The following SAMD8 variants were observed in gnomAD, a reference collection of about 807,000 sequenced individuals.
SAMD8 encodes the protein sterile alpha motif domain containing 8.
In SAMD8, 20 loss-of-function variants were observed where a neutral mutation model predicts 42.0. The observed-to-expected ratio is 0.48, with a 90% CI of 0.34 to 0.69. The LOEUF (loss-of-function observed/expected upper bound fraction) is 0.69. Among genes scored for constraint, SAMD8 ranks in the 30% least tolerant of loss-of-function variants. SAMD8 has a pLI of 0.01. For synonymous variants in SAMD8, 162 were observed against 173.0 expected (o/e 0.94, Z 0.50); for missense variants, 328 against 511.6 (o/e 0.64, Z 3.46).
chr10:75,111,801 A>G, intron 1 of SAMD8, 79 bp downstream of exon 1: 1 of 1,229,284 alleles, frequency 8.1e-7, no homozygotes, highest in Non-Finnish European at 1.0e-6. Flanking sequence ...TCTGGGATGG[A>G]GCCGGGGGCT....
At chr10:75,146,528 C>A (rs374659705) in intron 1 of SAMD8, among the ~76,000 whole-genome samples, 1 of 151,974 alleles carries the variant, frequency 6.6e-6, no homozygotes, top group Non-Finnish European at 1.5e-5. Context: ...TCAGGTGATC[C>A]GCCCACCTCA....
At chr10:75,143,897 C>T (rs543413880) in intron 1 of SAMD8, among the ~76,000 whole-genome samples, 1 of 151,674 alleles carries the variant, frequency 6.6e-6, no homozygotes. Context: ...TTCCACCTCT[C>T]ACTGATGTTC....
At chr10:75,114,943 A>T (rs1242424599) in intron 1 of SAMD8, among the ~76,000 whole-genome samples, 1 of 152,166 alleles carries the variant, frequency 6.6e-6, no homozygotes, top group Admixed American at 6.6e-5. Flanking sequence ...ATTACCTATG[A>T]AGCTCTTTTG....
At chr10:75,173,787 A>G (rs962947801) in intron 4 of SAMD8, among the ~76,000 whole-genome samples, 1 of 152,170 alleles carries the variant, frequency 6.6e-6, no homozygotes, top group Non-Finnish European at 1.5e-5. Context: ...TGAGATTGTG[A>G]TATCTATGAG....
chr10:75,151,099 T>G lies in SAMD8; in HGVS notation c.571T>G (p.Leu191Val). 1.3e-6 allele frequency: 2 copies of G among 1,485,950 alleles called. No homozygotes were observed. The highest frequency in any genetic ancestry group is 1.8e-6 in the Non-Finnish European group (2 of 1,117,340). 92.0% of individuals were successfully genotyped at this position (1,485,950 alleles called of 1,614,324 possible). ...CTATCCACCACTCCCAGATATATTC[T>G]TAGACAGGTAAGTTTTGTTTCTAGT... ...QTYPPLPDIFLDSVPRIPWAF... is the reference protein window; with the variant it reads ...QTYPPLPDIFVDSVPRIPWAF... Residue 191 changes from leucine to valine, a missense_variant, in exon 2 of 6, where the codon TTA becomes GTA. By Grantham distance (32) the Leu-to-Val change is conservative. This residue lies in a region of SAMD8 where 178 missense variants were observed against 325.6 expected (regional missense o/e 0.55). Transcript: ENST00000542569.
chr10:75,146,656 T>C (rs529565469), intron 1 of SAMD8, among the ~76,000 whole-genome samples: 1 of 152,186 alleles, frequency 6.6e-6, no homozygotes, highest in Non-Finnish European at 1.5e-5. Flanking sequence ...ATCTGGTTCT[T>C]GTTAGTAAAT....
At chr10:75,164,524 G>T in intron 2 of SAMD8, 121 bp from the exon 3 acceptor site, 1 of 1,424,152 alleles carries the variant, frequency 7.0e-7, no homozygotes, top group Non-Finnish European at 9.2e-7. Context: ...ATCATTTTCT[G>T]TAAGAGATAA....
At chr10:75,142,736 A>G (rs989631336) in intron 1 of SAMD8, among the ~76,000 whole-genome samples, 3 of 151,832 alleles carry the variant, frequency 2.0e-5, no homozygotes, top group Admixed American at 6.6e-5. Context: ...CCCGGCCTAA[A>G]TTATCTTTTA....
intron 1 of SAMD8, among the ~76,000 whole-genome samples, chr10:75,112,389 C>T (rs1358266940): frequency 6.6e-6 from 1 of 152,198 alleles, no homozygotes; most frequent in Non-Finnish European, 1.5e-5. Context: ...TGGGCTTTGG[C>T]ATTTTTACAG....
chr10:75,119,658 C>T (rs1848960913), intron 1 of SAMD8, among the ~76,000 whole-genome samples: 2 of 152,158 alleles, frequency 1.3e-5, no homozygotes, highest in African/African-American at 4.8e-5. Context: ...AGTGAAACTA[C>T]AAGAAAAATC....
chr10:75,139,967 C>G lies in SAMD8; in HGVS notation c.-15-10547C>G, dbSNP rs566959784. Among the ~76,000 whole-genome samples the G allele has an allele frequency of 2.6e-5, 4 of 152,182 alleles. No homozygotes were observed. In the East Asian group the frequency reaches 7.7e-4, roughly 29 times the overall value. ...GTCTATGATCCATTTTCAGTTAATT[C>G]TTATATGTGGTAGAAGTATGAATTG... On this transcript the variant is annotated intron_variant, in intron 1 of 5. Coordinates refer to ENST00000542569, the MANE Select transcript of SAMD8 (RefSeq NM_001174156.2).
intron 3 of SAMD8, 129 bp downstream of exon 3, chr10:75,164,869 C>G (rs1840638827): frequency 2.9e-6 from 2 of 695,596 alleles, no homozygotes; most frequent in African/African-American, 1.8e-5. Context: ...TAGTTATTAA[C>G]AAAGGATTTT....
chr10:75,166,005 T>G (rs1242508563), intron 3 of SAMD8, among the ~76,000 whole-genome samples: 1 of 149,494 alleles, frequency 6.7e-6, no homozygotes, highest in African/African-American at 2.5e-5. Flanking sequence ...AAAAGAAAGA[T>G]TATTTTGTAC....
At chr10:75,114,188 A>G (rs1399505522) in intron 1 of SAMD8, among the ~76,000 whole-genome samples, 6 of 152,008 alleles carry the variant, frequency 3.9e-5, no homozygotes, top group Non-Finnish European at 7.4e-5. Context: ...CTATAAAAAG[A>G]ATTAATCAGG....
At chr10:75,172,642 C>T (rs955922635) in intron 4 of SAMD8, among the ~76,000 whole-genome samples, 1 of 152,022 alleles carries the variant, frequency 6.6e-6, no homozygotes, top group African/African-American at 2.4e-5. Context: ...GGATCACAGG[C>T]GCCTGCCACC....
chr10:75,175,911 A>G lies in SAMD8; in HGVS notation c.793-155A>G, dbSNP rs1840980945. ...CCAAGCTTTGCCCACCCATTCTTGA[A>G]GTCTGGCTGGAATTCATTAGACTGA... is the stretch of plus-strand genomic sequence containing the variant. On this transcript the variant is annotated intron_variant, in intron 4 of 5. Coordinates refer to ENST00000542569, the MANE Select transcript of SAMD8 (RefSeq NM_001174156.2). 1.2e-5 allele frequency: 12 copies of G among 985,226 alleles called. No individual in the cohort carries two copies. In the South Asian group the frequency reaches 5.6e-4, roughly 46 times the overall value. The allele number at this position is 985,226 out of a possible 1,614,324, so 61.0% of individuals were successfully genotyped here.
At chr10:75,099,805 G>A (rs1172838119) in intron 1 of SAMD8, 3 of 183,154 alleles carry the variant, frequency 1.6e-5, no homozygotes, top group East Asian at 2.9e-4. Context: ...CTGTGGCCAC[G>A]AGCAAGTCTT....
At chr10:75,158,578 C>T (rs957035702) in intron 2 of SAMD8, among the ~76,000 whole-genome samples, 1 of 151,708 alleles carries the variant, frequency 6.6e-6, no homozygotes. Context: ...GGTGACAGAG[C>T]GAGACTCTCT....
intron 1 of SAMD8, among the ~76,000 whole-genome samples, chr10:75,131,466 T>C (rs1392438782): frequency 1.3e-5 from 2 of 152,106 alleles, no homozygotes; most frequent in Non-Finnish European, 2.9e-5. Flanking sequence ...TGAAGATATA[T>C]AATATTAAGA....
Sources: allele counts gnomAD v4.1 joint callset (sites outside exome capture counted in the v4.1 genomes callset), GRCh38; gene constraint gnomAD v4.1.1; regional missense constraint gnomAD v4.1.1; transcripts MANE v1.5; gene names NCBI Gene and HGNC (gene_info 2026-07-23, HGNC 2026-07-21).